Variants in SLC2A9 observed in about 807,000 individuals in gnomAD.
The protein encoded by SLC2A9 is solute carrier family 2, facilitated glucose transporter member 9.
A neutral mutation model predicts 50.6 loss-of-function variants in SLC2A9; 39 were observed. The ratio of observed to expected loss-of-function variants is 0.77; its 90% CI spans 0.60 to 1.01. The LOEUF is 1.01. Ranked by LOEUF, SLC2A9 falls within the 50% of genes least tolerant of loss-of-function variation. The probability of loss-of-function intolerance (pLI) is 0.00; values close to 1 mark genes in which losing one functional copy is unlikely to be tolerated. For synonymous variants in SLC2A9, 324 were observed against 276.9 expected (o/e 1.17, Z -1.69); for missense variants, 686 against 677.6 (o/e 1.01, Z -0.14).
intron 10 of SLC2A9, among the ~76,000 whole-genome samples, chr4:9,882,291 G>A (rs530175524): frequency 6.6e-6 from 1 of 152,144 alleles, no homozygotes; most frequent in South Asian, 2.1e-4. Context: ...TTTCTCCTTG[G>A]AATAGTTTTT....
At chr4:9,824,126 T>C (rs1455210405), downstream of SLC2A9, among the ~76,000 whole-genome samples, 1 of 152,076 alleles carries the variant, frequency 6.6e-6, no homozygotes, top group Non-Finnish European at 1.5e-5. Flanking sequence ...AGTGAATGAA[T>C]GAATGGGTCA....
rs182030487 is a variant in SLC2A9, at chr4:9,860,922, G to A, written c.1292-25914C>T. On this transcript the variant is annotated intron_variant, in intron 10 of 11. Coordinates refer to ENST00000264784, the MANE Select transcript of SLC2A9 (RefSeq NM_020041.3). ...TTGCTCATGCGCAGATGTGTGCGTG[G>A]CTGCCTCCTTCTTGTCTCCTGATCT... is the stretch of plus-strand genomic sequence containing the variant. 6.6e-5 allele frequency among the ~76,000 whole-genome samples: 10 copies of A among 152,258 alleles called. No homozygotes were observed. The East Asian group carries it at 1.9e-3, about 29-fold the overall frequency.
Position 9,838,656 on chromosome 4 carries a change from T to A in SLC2A9, c.1292-3648A>T, listed in dbSNP as rs115478141. Reference sequence around the variant, plus strand: ...AGCATGGTACTGGTACAAGAACACATATATAGACCAATGGAACAAAATAGA... The same window carrying A: ...AGCATGGTACTGGTACAAGAACACAAATATAGACCAATGGAACAAAATAGA... On this transcript the variant is annotated intron_variant, in intron 10 of 11. Coordinates refer to ENST00000264784, the MANE Select transcript of SLC2A9 (RefSeq NM_020041.3). Among the ~76,000 whole-genome samples, 853 of 152,086 alleles carry A rather than the reference T, an allele frequency of 5.6e-3. 9 individuals are homozygous for A. The highest frequency in any genetic ancestry group is 0.019 in the African/African-American group (806 of 41,512).
chr4:9,983,897 A>G (rs944763617), intron 4 of SLC2A9, among the ~76,000 whole-genome samples: 1 of 152,232 alleles, frequency 6.6e-6, no homozygotes, highest in African/African-American at 2.4e-5. Context: ...GTCTGACTCC[A>G]TAGTCTTCAC....
At chr4:9,830,319 C>T (rs11938613) in intron 11 of SLC2A9, among the ~76,000 whole-genome samples, 4 of 152,148 alleles carry the variant, frequency 2.6e-5, no homozygotes, top group African/African-American at 9.7e-5. Context: ...ACAACGAGAA[C>T]ACATGGACAC....
chr4:9,811,367 G>T (rs763752932), intron 3 of SLC2A9, among the ~76,000 whole-genome samples: 13 of 152,218 alleles, frequency 8.5e-5, no homozygotes, highest in Non-Finnish European at 1.6e-4. Flanking sequence ...AAGAGATGTT[G>T]TATGAGTTCT....
chr4:9,912,420 G>A (rs1577854104), intron 7 of SLC2A9, among the ~76,000 whole-genome samples: 1 of 152,168 alleles, frequency 6.6e-6, no homozygotes, highest in South Asian at 2.1e-4. Context: ...CAGCTGGCAG[G>A]TGTGGGGGTA....
chr4:9,998,452 C>T (rs1042109047), intron 2 of SLC2A9, among the ~76,000 whole-genome samples: 3 of 152,090 alleles, frequency 2.0e-5, no homozygotes, highest in Admixed American at 6.6e-5. Context: ...GAAGCAGTGG[C>T]CAGTACTTGA....
chr4:9,878,940 A>G (rs1303940102), intron 10 of SLC2A9: 18 of 680,596 alleles, frequency 2.6e-5, no homozygotes, highest in Non-Finnish European at 3.3e-5. Context: ...AAATACACAC[A>G]CACATTTGGT....
intron 10 of SLC2A9, among the ~76,000 whole-genome samples, chr4:9,854,701 C>A (rs1360899833): frequency 6.6e-6 from 1 of 152,106 alleles, no homozygotes; most frequent in East Asian, 1.9e-4. Flanking sequence ...AATATAGATG[C>A]AAAAATCCTC....
At chr4:9,912,606 T>C (rs79568191) in intron 7 of SLC2A9, among the ~76,000 whole-genome samples, 4,394 of 152,270 alleles carry the variant, frequency 0.029, 229 homozygotes, top group African/African-American at 0.1. Context: ...GAAAGCAGCA[T>C]GTCTAAGGAT....
intron 8 of SLC2A9, among the ~76,000 whole-genome samples, chr4:9,904,802 C>G (rs199502126): frequency 1.5e-5 from 2 of 132,216 alleles, no homozygotes; most frequent in African/African-American, 7.1e-5. Flanking sequence ...ACACTCTCAA[C>G]CTCATGCTGA....
At chr4:10,028,469 C>G (rs1254674478) in intron 1 of SLC2A9, among the ~76,000 whole-genome samples, 1 of 152,192 alleles carries the variant, frequency 6.6e-6, no homozygotes, top group Non-Finnish European at 1.5e-5. Context: ...CCCCAGCCAG[C>G]TGTGTGAGCT....
At chr4:9,878,933 T>TAC (rs1734736206) in intron 10 of SLC2A9, 1 of 619,144 alleles carries the variant, frequency 1.6e-6, no homozygotes, top group Non-Finnish European at 2.0e-6. Context: ...GGTGTCAAAA[T>TAC]ACACACACAC....
rs948799443 is a variant in SLC2A9 at position 9,875,952 on chromosome 4, G to A, written c.1291+11615C>T. ...GCACCAAACAAAGCCATAGGCAAGA[G>A]CACATCACATTGTTGAATTTGCCTG... On this transcript the variant is annotated intron_variant, in intron 10 of 11. Coordinates refer to ENST00000264784, the MANE Select transcript of SLC2A9 (RefSeq NM_020041.3). 2.0e-5 allele frequency among the ~76,000 whole-genome samples: 3 copies of A among 152,322 alleles called. 1 individual carries two copies. The highest frequency in any genetic ancestry group is 4.1e-4 in the South Asian group (2 of 4,826).
chr4:9,880,039 T>C (rs1281176307), intron 10 of SLC2A9: 3 of 985,320 alleles, frequency 3.0e-6, no homozygotes, highest in Non-Finnish European at 3.6e-6. Flanking sequence ...TCTTCTTTAA[T>C]CATGGAGAGC....
intron 2 of SLC2A9, among the ~76,000 whole-genome samples, chr4:10,013,302 C>T (rs1368421060): frequency 1.3e-5 from 2 of 152,232 alleles, no homozygotes; most frequent in South Asian, 2.1e-4. Context: ...CACATCCCAT[C>T]CACCAAGCTG....
intron 3 of SLC2A9, among the ~76,000 whole-genome samples, chr4:9,988,072 C>T (rs1003832352): frequency 3.3e-5 from 5 of 152,268 alleles, no homozygotes; most frequent in African/African-American, 1.2e-4. Context: ...TACATCTTGT[C>T]TTCTCTGTTG....
chr4:9,927,187 G>A (rs868789325), intron 6 of SLC2A9, among the ~76,000 whole-genome samples: 16 of 74,312 alleles, frequency 2.2e-4, no homozygotes, highest in African/African-American at 1.3e-3. Context: ...CCGCCACCAC[G>A]CCTGTATTTA....
Sources: allele counts gnomAD v4.1 joint callset (sites outside exome capture counted in the v4.1 genomes callset), GRCh38; gene constraint gnomAD v4.1.1; transcripts MANE v1.5; gene names NCBI Gene and HGNC (gene_info 2026-07-23, HGNC 2026-07-21).